Variants in IQGAP1 observed in about 807,000 individuals in gnomAD.
The protein encoded by IQGAP1 is IQ motif containing GTPase activating protein 1.
In IQGAP1, 66 loss-of-function variants were observed where a neutral mutation model predicts 215.6. The ratio of observed to expected loss-of-function variants is 0.31; its 90% confidence interval spans 0.25 to 0.38. IQGAP1 has a LOEUF of 0.38. IQGAP1 is among the 10% of genes least tolerant of loss of function. The pLI, the probability that IQGAP1 is intolerant of heterozygous loss-of-function variation, is 1.00. For missense variants in IQGAP1, 1,712 were observed against 1,997.1 expected, an observed-to-expected ratio of 0.86 and a Z score of 2.72; for synonymous variants, 772 against 728.7, an observed-to-expected ratio of 1.06 and a Z score of -0.96.
At chr15:90,481,312 C>G (rs1484742460) in intron 26 of IQGAP1, among the ~76,000 whole-genome samples, 6 of 136,346 alleles carry the variant, frequency 4.4e-5, no homozygotes, top group Non-Finnish European at 9.3e-5. Context: ...AGGTCTTGCT[C>G]AAGCAGTCCT....
At chr15:90,430,415 G>A (rs974635491) in intron 4 of IQGAP1, among the ~76,000 whole-genome samples, 4 of 152,152 alleles carry the variant, frequency 2.6e-5, no homozygotes, top group Admixed American at 2.0e-4. Context: ...CCAAAAAAAT[G>A]TATACAGAAG....
intron 2 of IQGAP1, among the ~76,000 whole-genome samples, chr15:90,412,199 C>T (rs1019382465): frequency 1.3e-5 from 2 of 152,208 alleles, no homozygotes; most frequent in South Asian, 4.1e-4. Flanking sequence ...GAAGCAAAAA[C>T]ATTTCCCTGT....
chr15:90,475,325 G>T (rs372039575), intron 23 of IQGAP1, among the ~76,000 whole-genome samples: 6 of 151,920 alleles, frequency 3.9e-5, no homozygotes, highest in Non-Finnish European at 8.8e-5. Context: ...AGAGACGGGG[G>T]TTTCACCATG....
chr15:90,405,019 A>G (rs977513237), intron 2 of IQGAP1, among the ~76,000 whole-genome samples: 6 of 152,238 alleles, frequency 3.9e-5, no homozygotes, highest in African/African-American at 1.4e-4. Context: ...ATATAAAAAC[A>G]TTCTCCCATG....
chr15:90,447,637 A>G (rs970482273), intron 9 of IQGAP1, among the ~76,000 whole-genome samples: 1 of 152,176 alleles, frequency 6.6e-6, no homozygotes, highest in African/African-American at 2.4e-5. Context: ...TAAAAAAGTA[A>G]TTATGATTCC....
intron 26 of IQGAP1, 59 bp from the exon 27 acceptor site, chr15:90,481,901 C>A (rs921557113): frequency 1.3e-5 from 21 of 1,577,594 alleles, no homozygotes; most frequent in Non-Finnish European, 1.8e-5. Context: ...AAGACACTTG[C>A]TTCAGGCTGT....
intron 28 of IQGAP1, chr15:90,482,755 T>A (rs1966077232): frequency 1.0e-5 from 10 of 988,038 alleles, no homozygotes; most frequent in Non-Finnish European, 1.1e-5. Context: ...TTCAGGTGAA[T>A]TAATTTTATT....
chr15:90,425,718 C>T (rs888580879), intron 2 of IQGAP1, among the ~76,000 whole-genome samples: 2 of 152,200 alleles, frequency 1.3e-5, no homozygotes, highest in Non-Finnish European at 1.5e-5. Flanking sequence ...ATGTCAGCAA[C>T]AAATTAAAGC....
At chr15:90,415,616 G>T (rs992141270) in intron 2 of IQGAP1, among the ~76,000 whole-genome samples, 1 of 152,050 alleles carries the variant, frequency 6.6e-6, no homozygotes, top group Admixed American at 6.6e-5. Flanking sequence ...CATGCCCCCT[G>T]CCTTTTCAGT....
intron 34 of IQGAP1, 75 bp from the exon 35 acceptor site, chr15:90,492,470 A>AGC: frequency 9.2e-7 from 1 of 1,087,072 alleles, no homozygotes; most frequent in Non-Finnish European, 1.3e-6. Context: ...GGCAGAGTTA[A>AGC]GCATTGCTGG....
intron 26 of IQGAP1, among the ~76,000 whole-genome samples, chr15:90,479,028 C>T (rs555135488): frequency 6.6e-5 from 10 of 152,204 alleles, no homozygotes; most frequent in Middle Eastern, 6.8e-3. Flanking sequence ...TGGGTGAGGA[C>T]CCAGAGGGGT....
chr15:90,477,272 TC>T, intron 25 of IQGAP1, 42 bp downstream of exon 25: 1 of 1,509,478 alleles, frequency 6.6e-7, no homozygotes, highest in Non-Finnish European at 9.1e-7. Context: ...CTTCCCACTA[TC>T]AGAGGGGCTC....
At position 90,474,100 on chromosome 15, in the gene IQGAP1, G is replaced by T; in HGVS notation, c.2542G>T (p.Ala848Ser). The T allele has an allele frequency of 1.9e-6, 3 of 1,613,180 alleles. No homozygotes were observed. The highest frequency in any genetic ancestry group is 2.5e-6 in the Non-Finnish European group (3 of 1,179,588). The change falls in exon 22 of 38, where the codon GCA becomes TCA. Residue 848 changes from alanine (A) to serine (S), a missense_variant. Transcript: ENST00000268182. ...TATCAAAATCCAGGCTTTTATTCGG[G>T]CAAACAAAGCTCGGGATGACTACAA... ...DIIKIQAFIR[A>S]NKARDDYKTL...
At position 90,494,699 on chromosome 15, in the gene IQGAP1, T is replaced by G; in HGVS notation, c.4629-14T>G. ...TGGTTACTTATAGAAAGTGACATGA[T>G]GTGATTTTTACAGAGTCTCCAAAAA... On this transcript the variant is annotated splice_polypyrimidine_tract_variant and intron_variant, in intron 35 of 37. Transcript: ENST00000268182. The G allele has an allele frequency of 7.5e-6, 12 of 1,594,740 alleles. No individual in the cohort carries two copies. Among genetic ancestry groups the G allele is most frequent in the Non-Finnish European group, 1.0e-5 (12 of 1,172,874 alleles).
intron 17 of IQGAP1, among the ~76,000 whole-genome samples, chr15:90,466,976 CA>C (rs1173104047): frequency 3.3e-5 from 5 of 152,064 alleles, no homozygotes; most frequent in Non-Finnish European, 5.9e-5. Flanking sequence ...CCTGTAATCC[CA>C]GCTACCCGGG....
intron 2 of IQGAP1, among the ~76,000 whole-genome samples, chr15:90,416,738 C>T (rs1209397817): frequency 6.6e-6 from 1 of 152,094 alleles, no homozygotes; most frequent in Non-Finnish European, 1.5e-5. Context: ...CCACCACGCC[C>T]AGCTAATTTT....
chr15:90,482,401 T>G, intron 28 of IQGAP1, 120 bp downstream of exon 28: 1 of 887,272 alleles, frequency 1.1e-6, no homozygotes, highest in East Asian at 2.6e-5. Context: ...TACCATTGAT[T>G]GTGAGCTTTT....
At chr15:90,396,371 A>C (rs1312891539) in intron 2 of IQGAP1, among the ~76,000 whole-genome samples, 1 of 152,188 alleles carries the variant, frequency 6.6e-6, no homozygotes, top group East Asian at 1.9e-4. Flanking sequence ...CATGCCCAGC[A>C]CTTCTAGAAT....
intron 26 of IQGAP1, among the ~76,000 whole-genome samples, chr15:90,478,643 C>T (rs1399214524): frequency 6.6e-6 from 1 of 151,906 alleles, no homozygotes; most frequent in Admixed American, 6.6e-5. Context: ...TAGCTGAGGC[C>T]CTAAAGCTAA....
Sources: allele counts gnomAD v4.1 joint callset (sites outside exome capture counted in the v4.1 genomes callset), GRCh38; gene constraint gnomAD v4.1.1; transcripts MANE v1.5; gene names NCBI Gene and HGNC (gene_info 2026-07-23, HGNC 2026-07-21).